SLC4A10: variants seen among roughly 807,000 people sequenced by gnomAD.
The protein encoded by SLC4A10 is solute carrier family 4 member 10.
In SLC4A10, 42 loss-of-function variants were observed where a neutral mutation model predicts 137.7. The observed-to-expected ratio is 0.30, with a 90% CI of 0.24 to 0.39. The LOEUF (loss-of-function observed/expected upper bound fraction) is 0.39. SLC4A10 is among the 10% of genes least tolerant of loss of function. SLC4A10 has a pLI of 1.00. For missense variants in SLC4A10, 925 were observed against 1,355.0 expected, an observed-to-expected ratio of 0.68 and a Z score of 4.98; for synonymous variants, 474 against 464.1, an observed-to-expected ratio of 1.02 and a Z score of -0.27.
At chr2:161,625,989 T>C (rs1176799553) in intron 1 of SLC4A10, among the ~76,000 whole-genome samples, 1 of 152,092 alleles carries the variant, frequency 6.6e-6, no homozygotes, top group Non-Finnish European at 1.5e-5. Context: ...AAAAAATACG[T>C]GTAAAAGATT....
chr2:161,766,722 A>G (rs1424823778), intron 1 of SLC4A10, among the ~76,000 whole-genome samples: 2 of 151,008 alleles, frequency 1.3e-5, no homozygotes, highest in African/African-American at 4.9e-5. Flanking sequence ...AATTATATAT[A>G]CCCCATTTTT....
intron 24 of SLC4A10, among the ~76,000 whole-genome samples, chr2:161,975,306 C>T (rs1699219433): frequency 6.6e-6 from 1 of 151,952 alleles, no homozygotes; most frequent in Admixed American, 6.6e-5. Flanking sequence ...TGTGTGATAC[C>T]ACTCTCGAAA....
chr2:161,643,740 T>C (rs2035624157), intron 1 of SLC4A10, among the ~76,000 whole-genome samples: 1 of 152,196 alleles, frequency 6.6e-6, no homozygotes, highest in Non-Finnish European at 1.5e-5. Flanking sequence ...TTTAAATATG[T>C]CCATGTTTTT....
At chr2:161,696,639 C>T (rs1303313789) in intron 1 of SLC4A10, among the ~76,000 whole-genome samples, 1 of 151,662 alleles carries the variant, frequency 6.6e-6, no homozygotes, top group African/African-American at 2.4e-5. Context: ...ATGAACTCAT[C>T]ATTTTTTATG....
intron 1 of SLC4A10, among the ~76,000 whole-genome samples, chr2:161,724,060 A>G (rs2045968320): frequency 6.6e-6 from 1 of 152,200 alleles, no homozygotes; most frequent in Non-Finnish European, 1.5e-5. Context: ...TCGCAACCTC[A>G]AAACCAATTA....
At chr2:161,925,161 A>G (rs1688841266) in intron 15 of SLC4A10, among the ~76,000 whole-genome samples, 1 of 151,978 alleles carries the variant, frequency 6.6e-6, no homozygotes, top group Non-Finnish European at 1.5e-5. Context: ...AAAGAGTAGG[A>G]GTTTCCATCT....
intron 18 of SLC4A10, among the ~76,000 whole-genome samples, chr2:161,950,263 T>C (rs1694567989): frequency 6.6e-6 from 1 of 152,140 alleles, no homozygotes; most frequent in African/African-American, 2.4e-5. Context: ...GTGGTCAATG[T>C]GTCAATATGC....
intron 19 of SLC4A10, among the ~76,000 whole-genome samples, chr2:161,951,295 C>T (rs1201842211): frequency 6.6e-6 from 1 of 152,066 alleles, no homozygotes; most frequent in Non-Finnish European, 1.5e-5. Flanking sequence ...ATTTTTCTGT[C>T]TGCCTGTAAC....
intron 1 of SLC4A10, among the ~76,000 whole-genome samples, chr2:161,744,147 T>A (rs1300732925): frequency 6.6e-6 from 1 of 152,174 alleles, no homozygotes; most frequent in East Asian, 1.9e-4. Flanking sequence ...TTGCTCTAGC[T>A]AGGACTTCCA....
At chr2:161,771,196 G>A (rs956707792) in intron 2 of SLC4A10, 142 bp downstream of exon 2, 7 of 623,364 alleles carry the variant, frequency 1.1e-5, no homozygotes, top group African/African-American at 5.5e-5. Flanking sequence ...ACATCTGATT[G>A]TTTTGGTACA....
intron 1 of SLC4A10, among the ~76,000 whole-genome samples, chr2:161,685,849 A>C (rs2041344159): frequency 6.6e-6 from 1 of 152,166 alleles, no homozygotes; most frequent in Non-Finnish European, 1.5e-5. Context: ...TTTACACAAA[A>C]TTTATTAACT....
intron 8 of SLC4A10, among the ~76,000 whole-genome samples, chr2:161,874,850 T>C (rs1390339372): frequency 1.3e-5 from 2 of 152,230 alleles, no homozygotes; most frequent in Non-Finnish European, 2.9e-5. Context: ...CTATTTACAA[T>C]TTCGTTGTGA....
At chr2:161,917,450 G>A (rs1687319262) in intron 15 of SLC4A10, among the ~76,000 whole-genome samples, 1 of 151,914 alleles carries the variant, frequency 6.6e-6, no homozygotes, top group South Asian at 2.1e-4. Context: ...AGATTGCTAG[G>A]TTACATAAAA....
intron 1 of SLC4A10, among the ~76,000 whole-genome samples, chr2:161,642,271 T>TA (rs1173436580): frequency 1.3e-5 from 2 of 152,010 alleles, no homozygotes; most frequent in African/African-American, 4.8e-5. Flanking sequence ...TCCTAGAACC[T>TA]AACTTTCATA....
At chr2:161,842,984 T>A (rs2059277539) in intron 4 of SLC4A10, among the ~76,000 whole-genome samples, 1 of 152,194 alleles carries the variant, frequency 6.6e-6, no homozygotes, top group Non-Finnish European at 1.5e-5. Flanking sequence ...ACTAGACAGC[T>A]CTGGTTAGTT....
intron 1 of SLC4A10, among the ~76,000 whole-genome samples, chr2:161,705,829 A>G (rs963070849): frequency 2.1e-4 from 32 of 151,628 alleles, no homozygotes; most frequent in African/African-American, 6.8e-4. Context: ...CTCTCTCTTC[A>G]TTCAGTCCAA....
At chr2:161,938,528 GATA>G (rs999199484) in intron 15 of SLC4A10, among the ~76,000 whole-genome samples, 19 of 150,328 alleles carry the variant, frequency 1.3e-4, no homozygotes, top group Non-Finnish European at 2.4e-4. Context: ...CATTATTATC[GATA>G]ATAATCTATT....
At chr2:161,663,100 C>G (rs1426552892) in intron 1 of SLC4A10, among the ~76,000 whole-genome samples, 1 of 152,154 alleles carries the variant, frequency 6.6e-6, no homozygotes, top group Non-Finnish European at 1.5e-5. Flanking sequence ...GTATCATACT[C>G]TTGTTCACAG....
intron 1 of SLC4A10, among the ~76,000 whole-genome samples, chr2:161,733,510 A>G (rs1214775387): frequency 6.6e-6 from 1 of 152,258 alleles, no homozygotes; most frequent in African/African-American, 2.4e-5. Flanking sequence ...GACTAAGCAG[A>G]AGTTTGCTAC....
Sources: allele counts gnomAD v4.1 joint callset (sites outside exome capture counted in the v4.1 genomes callset), GRCh38; gene constraint gnomAD v4.1.1; transcripts MANE v1.5; gene names NCBI Gene and HGNC (gene_info 2026-07-23, HGNC 2026-07-21).